The following PKD1 variants were observed in gnomAD, a reference collection of about 807,000 sequenced individuals.
The protein encoded by PKD1 is polycystin-1.
A neutral mutation model predicts 361.7 loss-of-function variants in PKD1; 81 were observed. That is an observed-to-expected ratio of 0.22 (90% confidence interval 0.19 to 0.27). The LOEUF is 0.27. PKD1 is among the 10% of genes least tolerant of loss of function. The pLI, the probability that PKD1 is intolerant of heterozygous loss-of-function variation, is 1.00. For missense variants in PKD1, 6,399 were observed against 6,118.3 expected (o/e 1.05, Z -1.53); for synonymous variants, 3,615 against 2,818.3 (o/e 1.28, Z -8.95).
In PKD1 at chr16:2,109,160, C is replaced by A; in HGVS notation, c.6007G>T (p.Ala2003Ser). The A allele has an allele frequency of 6.2e-7, 1 of 1,601,170 alleles. No individual in the cohort carries two copies. Among genetic ancestry groups the A allele is most frequent in the South Asian group, 1.1e-5 (1 of 90,916 alleles). Residue 2003 changes from alanine (A) to serine (S), a missense_variant, in exon 15 of 46, where the codon GCC (alanine) becomes TCC (serine). Transcript: ENST00000262304. ...TARVQRGSRV[A>S]YAWYFSLQKV... ...TGCAGCGAGAAGTACCAGGCGTAGGCGACCCGAGAGCCGCGCTGCACGCGG... is the reference window on the plus strand; with the variant it reads ...TGCAGCGAGAAGTACCAGGCGTAGGAGACCCGAGAGCCGCGCTGCACGCGG...
At chr16:2,092,815 T>C (rs1469794655) in intron 38 of PKD1, 139 bp downstream of exon 38, 10 of 1,078,040 alleles carry the variant, frequency 9.3e-6, no homozygotes, top group African/African-American at 1.5e-5. Context: ...CCCCTCTGCC[T>C]ACTGATGCCA....
intron 1 of PKD1, chr16:2,135,161 C>G (rs897680410): frequency 1.4e-4 from 132 of 971,596 alleles, no homozygotes; most frequent in Middle Eastern, 1.0e-3. Flanking sequence ...AGCCCCAGGC[C>G]GCATCCCAAT....
rs949709404 is a variant in PKD1, at chr16:2,092,870, A to G, written c.11156+84T>C. 2.1e-5 allele frequency: 32 copies of G among 1,508,390 alleles called. No individual in the cohort carries two copies. In the Middle Eastern group the frequency reaches 8.5e-4, roughly 40 times the overall value. The allele number at this position is 1,508,390 out of a possible 1,614,324, so 93.4% of individuals were successfully genotyped here. On this transcript the variant is annotated intron_variant, in intron 38 of 45. Transcript: ENST00000262304. ...CTAGCAGCCACAAAGGTATCTACAC[A>G]TGTCCACATGTCCCCTAGGGTCTGG...
intron 40 of PKD1, 21 bp downstream of exon 40, chr16:2,092,026 C>T (rs1194854766): frequency 1.9e-6 from 3 of 1,612,608 alleles, no homozygotes; most frequent in East Asian, 2.2e-5. Context: ...CGTAGACGCC[C>T]GGGGCCCTCG....
rs1389263500 is a variant in PKD1, at chr16:2,099,921, A to G, written c.9863T>C (p.Ile3288Thr). The change falls in exon 29 of 46, where the codon ATC becomes ACC. Residue 3288 changes from isoleucine (I) to threonine (T), a missense_variant. Transcript: ENST00000262304. ...GGCGTTGGCGCCCAGGAAGAGGCAGATGAGGAGAACGCAGCAGGTGGCCCT... is the reference window on the plus strand; with the variant it reads ...GGCGTTGGCGCCCAGGAAGAGGCAGGTGAGGAGAACGCAGCAGGTGGCCCT... The part of the protein sequence containing the change: ...IQRATCCVLL[I>T]CLFLGANAVW... 1.3e-6 allele frequency: 2 copies of G among 1,564,692 alleles called. No homozygotes were observed. Among genetic ancestry groups the G allele is most frequent in the African/African-American group, 1.4e-5 (1 of 73,884 alleles).
chr16:2,102,744 G>T (rs2092148708), intron 24 of PKD1, 70 bp downstream of exon 24: 1 of 1,604,800 alleles, frequency 6.2e-7, no homozygotes, highest in Non-Finnish European at 8.5e-7. Flanking sequence ...TCCCCATGGG[G>T]CCAGTAACCC....
In PKD1 at chr16:2,089,863, G is replaced by C; in HGVS notation, c.12776C>G (p.Ser4259Cys). 2 of 1,609,474 alleles carry C rather than the reference G, an allele frequency of 1.2e-6. No homozygotes were observed. The highest frequency in any genetic ancestry group is 1.7e-6 in the Non-Finnish European group (2 of 1,178,726). The change falls in exon 46 of 46, where the codon TCC (serine) becomes TGC (cysteine). Residue 4259 changes from serine to cysteine, a missense_variant. Transcript: ENST00000262304. ...CCGCAGGCCCGGGGATGGGCCACGG[G>C]AAGATCCGGCGGGCGCCCGGCTGCT... Reference protein sequence around the residue: ...RRSSRAPAGSSRGPSPGLRPA... With the variant: ...RRSSRAPAGSCRGPSPGLRPA...
intron 37 of PKD1, 21 bp downstream of exon 37, chr16:2,093,523 A>T (rs774817645): frequency 1.3e-6 from 2 of 1,582,672 alleles, no homozygotes; most frequent in Non-Finnish European, 1.7e-6. Context: ...TGGCAGGGGC[A>T]CAGGCCGCAC....
At chr16:2,129,714 C>CAATGTTCT (rs1303343317) in intron 1 of PKD1, among the ~76,000 whole-genome samples, 4 of 151,602 alleles carry the variant, frequency 2.6e-5, no homozygotes, top group Non-Finnish European at 5.9e-5. Context: ...CACGCCCGGC[C>CAATGTTCT]AATGTTCTTT....
intron 40 of PKD1, 49 bp from the exon 41 acceptor site, chr16:2,091,955 C>T: frequency 6.2e-7 from 1 of 1,611,818 alleles, no homozygotes; most frequent in Non-Finnish European, 8.5e-7. Flanking sequence ...CTTCCGGCAC[C>T]CCGGAGCCAG....
chr16:2,100,367 G>T lies in PKD1; in HGVS notation c.9568+29C>A. 4 of 1,611,048 alleles carry T rather than the reference G, an allele frequency of 2.5e-6. No individual in the cohort carries two copies. Among genetic ancestry groups the T allele is most frequent in the Non-Finnish European group, 3.4e-6 (4 of 1,179,640 alleles). ...AGGGCGCCCCAATGCGGGGGCAGAG[G>T]GGCAGAGCTTGGCAGGGTCCGCACA... is the stretch of plus-strand genomic sequence containing the variant. On this transcript the variant is annotated intron_variant, in intron 27 of 45. Transcript: ENST00000262304. The surrounding 1 kb of genome is among the most constrained non-coding windows in gnomAD (Gnocchi z 4.4).
At chr16:2,108,180 A>G (rs2092408458) in intron 15 of PKD1, 72 bp downstream of exon 15, 1 of 1,499,276 alleles carries the variant, frequency 6.7e-7, no homozygotes, top group Non-Finnish European at 9.2e-7. Flanking sequence ...CCTGGTGGCA[A>G]GCTGGGTGTT....
At chr16:2,131,799 G>T (rs1157864243) in intron 1 of PKD1, 2 of 152,054 alleles carry the variant, frequency 1.3e-5, no homozygotes, top group East Asian at 3.9e-4. Flanking sequence ...CTCCAGCCTG[G>T]GTGACAGAGC....
rs1361916151 is a variant in PKD1, at chr16:2,097,471, A to G, written c.10253T>C (p.Leu3418Pro). The part of the protein sequence containing the change: ...LVCWPSGEGT[L>P]SWPDLLSDPS... ...GTCACTGAGCAGGTCCGGCCAACTG[A>G]GCGTTCCCTCGCCGGAGGGCCAGCA... The change falls in exon 33 of 46, where the codon CTC becomes CCC. Residue 3418 changes from leucine (L) to proline (P), a missense_variant. Physicochemically the swap from Leu to Pro is moderately conservative, Grantham distance 98 (BLOSUM62 -3). Coordinates refer to ENST00000262304, the MANE Select transcript of PKD1 (RefSeq NM_001009944.3). 5 of 1,603,580 alleles carry G rather than the reference A, an allele frequency of 3.1e-6. No homozygotes were observed. The highest frequency in any genetic ancestry group is 1.7e-5 in the Admixed American group (1 of 60,010).
Position 2,099,388 on chromosome 16 carries a change from G to A in PKD1, c.10050+256C>T, listed in dbSNP as rs2091992344. ...CGTGCTTGCTTCTTCTGAGTTATCTGGCGTGCTGCTGTGCAGTCGTCCGTG... is the reference window on the plus strand; with the variant it reads ...CGTGCTTGCTTCTTCTGAGTTATCTAGCGTGCTGCTGTGCAGTCGTCCGTG... On this transcript the variant is annotated intron_variant, in intron 30 of 45. Transcript: ENST00000262304. 2.8e-5 allele frequency: 15 copies of A among 539,532 alleles called. No homozygotes were observed. In the South Asian group the frequency reaches 2.8e-4, roughly 10 times the overall value. The allele number at this position is 539,532 out of a possible 1,614,324, so 33.4% of individuals were successfully genotyped here.
intron 23 of PKD1, 28 bp from the exon 24 acceptor site, chr16:2,102,998 C>G (rs1334365612): frequency 6.3e-7 from 1 of 1,598,976 alleles, no homozygotes; most frequent in African/African-American, 1.3e-5. Context: ...GGTCACACGC[C>G]TGCCGGGAAG....
Position 2,118,462 on chromosome 16 carries a change from C to T in PKD1, c.530G>A (p.Gly177Asp), listed in dbSNP as rs1251318345. The T allele has an allele frequency of 2.4e-6, 3 of 1,270,336 alleles. No homozygotes were observed. Among genetic ancestry groups the T allele is most frequent in the South Asian group, 1.3e-5 (1 of 79,944 alleles). The allele number at this position is 1,270,336 out of a possible 1,614,324, so 78.7% of individuals were successfully genotyped here. The change falls in exon 5 of 46, where the codon GGT becomes GAT. Residue 177 changes from glycine (G) to aspartate (D), a missense_variant and splice_region_variant. Transcript: ENST00000262304. The surrounding 1 kb of genome is among the most constrained non-coding windows in gnomAD (Gnocchi z 6.0). ...LGIPLLDSGC[G>D]EEYVACLPDN... The stretch of plus-strand genomic sequence containing the variant: ...AGGGAGGCAGGCGACATACTCCTCA[C>T]CTAGAAGAGGCAGCCACTGGACCCC...
chr16:2,126,637 C>G (rs1223379118), intron 1 of PKD1, among the ~76,000 whole-genome samples: 1 of 152,266 alleles, frequency 6.6e-6, no homozygotes, highest in African/African-American at 2.4e-5. Flanking sequence ...CCTCAGCCAG[C>G]TGGAGCGCAG....
At position 2,090,324 on chromosome 16, in the gene PKD1, G is replaced by A. The variant is rs778789036; in HGVS notation, c.12405C>T (p.Arg4135=). 1.6e-5 allele frequency: 26 copies of A among 1,612,014 alleles called. No homozygotes were observed. The highest frequency in any genetic ancestry group is 2.2e-5 in the Non-Finnish European group (26 of 1,179,598). Residue 4135 remains arginine (R), a synonymous_variant, in exon 45 of 46, where the codon CGC becomes CGT. Transcript: ENST00000262304. ...QDYEMVELFL[R]RLRLWMGLSK... ...TGAGGCCCATCCAGAGGCGCAGCCTGCGCAGGAACAACTCCACCATCTCGT... is the reference window on the plus strand; with the variant it reads ...TGAGGCCCATCCAGAGGCGCAGCCTACGCAGGAACAACTCCACCATCTCGT...
Sources: gnomAD v4.1 joint callset for allele counts (sites outside exome capture counted in the v4.1 genomes callset) on GRCh38, gnomAD v4.1.1 for gene constraint, Gnocchi (gnomAD v3.1) non-coding constraint, MANE v1.5 for transcripts, NCBI Gene and HGNC (gene_info 2026-07-23, HGNC 2026-07-21) for gene names.